FNIP2: variants seen among roughly 807,000 people sequenced by gnomAD.
FNIP2 encodes folliculin interacting protein 2.
FNIP2 carries 32 observed loss-of-function variants against 108.7 expected under a neutral mutation model. The ratio of observed to expected loss-of-function variants is 0.29; its 90% CI spans 0.22 to 0.40. FNIP2 has a LOEUF of 0.40. FNIP2 is among the 10% of genes least tolerant of loss of function. The pLI is 1.00. For synonymous variants in FNIP2, 480 were observed against 496.7 expected, an observed-to-expected ratio of 0.97 and a Z score of 0.45; for missense variants, 1,202 against 1,381.6, an observed-to-expected ratio of 0.87 and a Z score of 2.06.
chr4:158,785,104 T>TTTTTTTTTTTTTA (rs1776180899), intron 1 of FNIP2, among the ~76,000 whole-genome samples: 1 of 150,370 alleles, frequency 6.7e-6, no homozygotes, highest in Non-Finnish European at 1.5e-5. Flanking sequence ...TTTTTTTTTT[T>TTTTTTTTTTTTTA]GAGCCAGAGT....
chr4:158,816,854 CTTTT>C (rs1054269543), intron 1 of FNIP2, among the ~76,000 whole-genome samples: 2 of 145,446 alleles, frequency 1.4e-5, no homozygotes, highest in Non-Finnish European at 3.0e-5. Flanking sequence ...CAGTAAAGCT[CTTTT>C]TTTTTTGTCA....
At chr4:158,870,939 C>G (rs1489852581) in intron 14 of FNIP2, among the ~76,000 whole-genome samples, 3 of 152,198 alleles carry the variant, frequency 2.0e-5, no homozygotes, top group Admixed American at 6.5e-5. Context: ...AGGAGCTGCT[C>G]TGGGGGTGGT....
intron 1 of FNIP2, among the ~76,000 whole-genome samples, chr4:158,777,831 T>C (rs1268562522): frequency 6.6e-6 from 1 of 152,230 alleles, no homozygotes; most frequent in East Asian, 1.9e-4. Context: ...TATTTTAAGA[T>C]TTTTTCAAAC....
chr4:158,870,777 C>A (rs913860195), intron 14 of FNIP2, among the ~76,000 whole-genome samples: 9 of 152,232 alleles, frequency 5.9e-5, no homozygotes, highest in African/African-American at 2.2e-4. Context: ...TTCCTGCCAT[C>A]CCTCCTCCCA....
chr4:158,842,442 TTTAC>T (rs1410365885), intron 7 of FNIP2, among the ~76,000 whole-genome samples: 1 of 152,180 alleles, frequency 6.6e-6, no homozygotes, highest in Non-Finnish European at 1.5e-5. Context: ...CTAAATAACT[TTTAC>T]TTAAATGAAA....
chr4:158,852,739 A>G (rs544536074), intron 8 of FNIP2, among the ~76,000 whole-genome samples: 108 of 152,336 alleles, frequency 7.1e-4, no homozygotes, highest in Middle Eastern at 3.4e-3. Context: ...AGGAGACGGC[A>G]TCGCCACCAT....
chr4:158,891,026 T>G (rs1578988232), intron 14 of FNIP2, among the ~76,000 whole-genome samples: 1 of 152,166 alleles, frequency 6.6e-6, no homozygotes, highest in Non-Finnish European at 1.5e-5. Context: ...GGAAGTTATT[T>G]AAGCAGCCAA....
intron 7 of FNIP2, among the ~76,000 whole-genome samples, chr4:158,849,550 A>G (rs1006637854): frequency 6.6e-6 from 1 of 152,112 alleles, no homozygotes; most frequent in Non-Finnish European, 1.5e-5. Context: ...GAGATGTGGG[A>G]GGGGGCTTCT....
chr4:158,860,667 T>C (rs1338280315), intron 10 of FNIP2, among the ~76,000 whole-genome samples: 2 of 150,344 alleles, frequency 1.3e-5, no homozygotes, highest in African/African-American at 4.9e-5. Context: ...TTTTTTTTTT[T>C]TTTTTTTTTA....
chr4:158,881,047 T>C (rs2126741859), intron 14 of FNIP2, among the ~76,000 whole-genome samples: 1 of 152,314 alleles, frequency 6.6e-6, no homozygotes, highest in Non-Finnish European at 1.5e-5. Flanking sequence ...GGAGAATTAT[T>C]GTGGAAAGGT....
chr4:158,857,785 A>C (rs536954888), intron 8 of FNIP2, among the ~76,000 whole-genome samples: 336 of 138,594 alleles, frequency 2.4e-3, no homozygotes, highest in African/African-American at 9.8e-3. Flanking sequence ...TCTACCAAAA[A>C]AAAAAAAAAA....
At chr4:158,891,716 A>G in intron 15 of FNIP2, 70 bp downstream of exon 15, 2 of 1,370,870 alleles carry the variant, frequency 1.5e-6, no homozygotes, top group Non-Finnish European at 2.0e-6. Flanking sequence ...TTTGATTATA[A>G]AATCACAAAT....
At chr4:158,810,746 A>G (rs958192443) in intron 1 of FNIP2, among the ~76,000 whole-genome samples, 4 of 152,246 alleles carry the variant, frequency 2.6e-5, no homozygotes, top group Non-Finnish European at 5.9e-5. Context: ...ATTAATCACC[A>G]TAGCTAACTG....
In FNIP2 at chr4:158,868,503, G is replaced by C. The variant is rs1001263302; in HGVS notation, c.1867G>C (p.Glu623Gln). The C allele has an allele frequency of 6.2e-7, 1 of 1,614,016 alleles. No individual in the cohort carries two copies. Among genetic ancestry groups the C allele is most frequent in the South Asian group, 1.1e-5 (1 of 91,084 alleles). ...KPDKEANRRP[E>Q]QGSEACSAGC... ...TGACAAAGAAGCTAACAGGAGGCCA[G>C]AGCAGGGTTCTGAGGCTTGCAGCGC... is the stretch of plus-strand genomic sequence containing the variant. The change falls in exon 13 of 17, where the codon GAG becomes CAG. Residue 623 changes from glutamate to glutamine, a missense_variant. Physicochemically the swap from Glu to Gln is conservative, Grantham distance 29. Coordinates refer to ENST00000264433, the MANE Select transcript of FNIP2 (RefSeq NM_020840.3). The surrounding 1 kb of genome is among the most constrained non-coding windows in gnomAD (Gnocchi z 4.6).
rs35907414 is a variant in FNIP2, at chr4:158,882,994, T to TA, written c.2950-8441dup. On this transcript the variant is annotated intron_variant, in intron 14 of 16. Coordinates refer to ENST00000264433, the MANE Select transcript of FNIP2 (RefSeq NM_020840.3). ...TGAGAAACACCCAAGAATGATCAAT[T>TA]AAAAAAAAAAAGCAAAGAAAAATTT... Among the ~76,000 whole-genome samples the TA allele has an allele frequency of 8.2e-3, 1,097 of 134,586 alleles. 4 individuals are homozygous for TA. Among genetic ancestry groups the TA allele is most frequent in the Middle Eastern group, 0.053 (14 of 266 alleles). The allele number at this position is 134,586 out of a possible 152,430, so 88.3% of individuals were successfully genotyped here.
intron 15 of FNIP2, among the ~76,000 whole-genome samples, chr4:158,894,485 A>C (rs901107921): frequency 6.6e-6 from 1 of 152,108 alleles, no homozygotes; most frequent in Non-Finnish European, 1.5e-5. Context: ...AGTTGTCTAA[A>C]TGCTTTGATT....
chr4:158,898,965 T>C (rs1782948745), intron 16 of FNIP2, among the ~76,000 whole-genome samples: 1 of 152,204 alleles, frequency 6.6e-6, no homozygotes, highest in South Asian at 2.1e-4. Flanking sequence ...TTCAGTATGA[T>C]ATTGGCTGTG....
At chr4:158,882,354 C>T (rs1050142918) in intron 14 of FNIP2, among the ~76,000 whole-genome samples, 1 of 151,404 alleles carries the variant, frequency 6.6e-6, no homozygotes, top group Non-Finnish European at 1.5e-5. Flanking sequence ...CCCCGTCCGG[C>T]CAGCCGCCCC....
intron 14 of FNIP2, among the ~76,000 whole-genome samples, chr4:158,881,792 G>C (rs1369188463): frequency 1.3e-5 from 2 of 152,146 alleles, no homozygotes; most frequent in Non-Finnish European, 2.9e-5. Flanking sequence ...GCGTGATCTC[G>C]GCTCGCTACA....
Sources: gnomAD v4.1 joint callset for allele counts (sites outside exome capture counted in the v4.1 genomes callset) on GRCh38, gnomAD v4.1.1 for gene constraint, Gnocchi (gnomAD v3.1) non-coding constraint, MANE v1.5 for transcripts, NCBI Gene and HGNC (gene_info 2026-07-23, HGNC 2026-07-21) for gene names.